Variants in ITPK1 observed in about 807,000 individuals in gnomAD.
ITPK1 encodes inositol 1,3,4-trisphosphate 5/6-kinase.
A neutral mutation model predicts 45.3 loss-of-function variants in ITPK1; 21 were observed. That is an observed-to-expected ratio of 0.46 (90% confidence interval 0.33 to 0.67). ITPK1 has a LOEUF of 0.67. Ranked by LOEUF, ITPK1 falls within the 30% of genes least tolerant of loss-of-function variation. The probability of loss-of-function intolerance (pLI) is 0.02; values close to 1 mark genes in which losing one functional copy is unlikely to be tolerated. For missense variants in ITPK1, 474 were observed against 573.5 expected (o/e 0.83, Z 1.77); for synonymous variants, 258 against 253.6 (o/e 1.02, Z -0.16).
chr14:93,047,212 C>A (rs1020013809), intron 3 of ITPK1, among the ~76,000 whole-genome samples: 1 of 152,136 alleles, frequency 6.6e-6, no homozygotes, highest in Non-Finnish European at 1.5e-5. Flanking sequence ...TCCTCCCCGA[C>A]GTTTAAGCCA....
In ITPK1 at chr14:93,063,161, G is replaced by C. The variant is rs989423853; in HGVS notation, c.120+13434C>G. The stretch of plus-strand genomic sequence containing the variant: ...AAAGGCATCCTTGCCCATCCCGGCT[G>C]CCGATGATCCTGTCAAAACACTGTA... On this transcript the variant is annotated intron_variant, in intron 3 of 10. Coordinates refer to ENST00000267615, the MANE Select transcript of ITPK1 (RefSeq NM_014216.6). The surrounding 1 kb of genome is among the most constrained non-coding windows in gnomAD (Gnocchi z 4.3). Among the ~76,000 whole-genome samples, 2 of 152,152 alleles carry C rather than the reference G, an allele frequency of 1.3e-5. No homozygotes were observed. Among genetic ancestry groups the C allele is most frequent in the African/African-American group, 2.4e-5 (1 of 41,434 alleles).
In ITPK1 at chr14:92,939,810, A is replaced by G. The variant is rs1887267855; in HGVS notation, c.*1751T>C. 1 of 985,730 alleles carries G rather than the reference A, an allele frequency of 1.0e-6. No individual in the cohort carries two copies. Among genetic ancestry groups the G allele is most frequent in the Non-Finnish European group, 1.2e-6 (1 of 829,908 alleles). 61.1% of individuals were successfully genotyped at this position (985,730 alleles called of 1,614,324 possible). ...CTGTTTTATTAAACGTCTTTTAAGGACTGGGAGTATGACATAACAAACTTG... is the reference window on the plus strand; with the variant it reads ...CTGTTTTATTAAACGTCTTTTAAGGGCTGGGAGTATGACATAACAAACTTG... On this transcript the variant is annotated 3_prime_UTR_variant, in exon 11 of 11. Coordinates refer to ENST00000267615, the MANE Select transcript of ITPK1 (RefSeq NM_014216.6).
intron 4 of ITPK1, among the ~76,000 whole-genome samples, chr14:93,000,040 T>C (rs1887257919): frequency 6.6e-6 from 1 of 152,230 alleles, no homozygotes; most frequent in African/African-American, 2.4e-5. Flanking sequence ...GCTCACATCG[T>C]GTTTTAAAAT....
At chr14:92,964,918 G>A (rs111636355) in intron 5 of ITPK1, among the ~76,000 whole-genome samples, 3,405 of 152,266 alleles carry the variant, frequency 0.022, 54 homozygotes, top group Non-Finnish European at 0.035. Context: ...ACTGTTCAAC[G>A]TAGTTACACA....
chr14:92,975,370 C>T (rs939409381), intron 5 of ITPK1, among the ~76,000 whole-genome samples: 16 of 152,182 alleles, frequency 1.1e-4, no homozygotes, highest in East Asian at 1.9e-4. Context: ...TGCCCCAGTA[C>T]GCAGTTCCTT....
chr14:92,950,406 A>G (rs1014122089), intron 9 of ITPK1, among the ~76,000 whole-genome samples: 2 of 152,238 alleles, frequency 1.3e-5, no homozygotes, highest in Non-Finnish European at 2.9e-5. Context: ...CTGATGTCCC[A>G]GTGGAAAAGG....
In ITPK1 at chr14:93,036,753, C is replaced by T; in HGVS notation, c.121-19952G>A. 6.6e-6 allele frequency: 1 copy of T among 152,528 alleles called. No individual in the cohort carries two copies. The allele number at this position is 152,528 out of a possible 1,614,324, so 9.4% of individuals were successfully genotyped here. On this transcript the variant is annotated intron_variant, in intron 3 of 10. Coordinates refer to ENST00000267615, the MANE Select transcript of ITPK1 (RefSeq NM_014216.6). The surrounding 1 kb of genome is among the most constrained non-coding windows in gnomAD (Gnocchi z 4.1). ...CATCTCAATACCGCAGGGGAGGATG[C>T]AGCCCCCAGAACTTGGAAATGCCAA... is the stretch of plus-strand genomic sequence containing the variant.
At chr14:93,058,614 T>G (rs1203105697) in intron 3 of ITPK1, among the ~76,000 whole-genome samples, 1 of 1,688 alleles carries the variant, frequency 5.9e-4, no homozygotes, top group Non-Finnish European at 1.0e-3. Context: ...GTGGAGGGGG[T>G]GCGGGTCACG....
At chr14:93,018,904 G>A (rs890583390) in intron 3 of ITPK1, among the ~76,000 whole-genome samples, 1 of 152,220 alleles carries the variant, frequency 6.6e-6, no homozygotes, top group African/African-American at 2.4e-5. Flanking sequence ...GCAGCCCGCT[G>A]ACCTGGGCTC....
chr14:93,115,540 G>A (rs1566794454), intron 1 of ITPK1, among the ~76,000 whole-genome samples: 1 of 150,004 alleles, frequency 6.7e-6, no homozygotes, highest in Non-Finnish European at 1.5e-5. Flanking sequence ...GCCCGCAGGA[G>A]GGGAAGCCGG....
At chr14:92,971,981 G>T (rs994371484) in intron 5 of ITPK1, among the ~76,000 whole-genome samples, 2 of 152,136 alleles carry the variant, frequency 1.3e-5, no homozygotes, top group Non-Finnish European at 2.9e-5. Flanking sequence ...GCCCAGCACC[G>T]CGACCTCTTC....
Position 93,034,128 on chromosome 14 carries a change from C to T in ITPK1, c.121-17327G>A, listed in dbSNP as rs1047201124. 4.6e-5 allele frequency among the ~76,000 whole-genome samples: 7 copies of T among 152,122 alleles called. No individual in the cohort carries two copies. The highest frequency in any genetic ancestry group is 1.7e-4 in the African/African-American group (7 of 41,422). Reference sequence around the variant, plus strand: ...CCGTCTAATACTTCCCCATGGGTCCCTGGTAAGCCCTGCCCCGACACCTTC... The same window carrying T: ...CCGTCTAATACTTCCCCATGGGTCCTTGGTAAGCCCTGCCCCGACACCTTC... On this transcript the variant is annotated intron_variant, in intron 3 of 10. Coordinates refer to ENST00000267615, the MANE Select transcript of ITPK1 (RefSeq NM_014216.6). This position sits in a 1 kb window ranked among gnomAD's most constrained non-coding sequence, Gnocchi z 4.1.
intron 3 of ITPK1, among the ~76,000 whole-genome samples, chr14:93,048,865 C>T (rs1889893294): frequency 6.6e-6 from 1 of 152,166 alleles, no homozygotes; most frequent in South Asian, 2.1e-4. Context: ...ACAAGAACTG[C>T]TTGAACCCAG....
intron 2 of ITPK1, among the ~76,000 whole-genome samples, chr14:93,087,363 T>A (rs973057110): frequency 6.6e-6 from 1 of 152,180 alleles, no homozygotes; most frequent in East Asian, 1.9e-4. Context: ...CCTTCACATC[T>A]GTAAGCCAAG....
intron 3 of ITPK1, among the ~76,000 whole-genome samples, chr14:93,033,425 T>C (rs1889160394): frequency 6.6e-6 from 1 of 152,112 alleles, no homozygotes; most frequent in African/African-American, 2.4e-5. Context: ...CAACAGCCAA[T>C]GCCCCCCAAC....
At chr14:93,052,046 G>A (rs1369633771) in intron 3 of ITPK1, among the ~76,000 whole-genome samples, 4 of 152,320 alleles carry the variant, frequency 2.6e-5, no homozygotes, top group Admixed American at 6.5e-5. Context: ...TGCCTGGAGG[G>A]GCCACGTGGT....
chr14:92,994,433 C>T (rs1053593214), intron 4 of ITPK1, among the ~76,000 whole-genome samples: 21 of 152,180 alleles, frequency 1.4e-4, no homozygotes, highest in African/African-American at 2.9e-4. Context: ...AAACACGCCA[C>T]AGGGTGGGCA....
intron 3 of ITPK1, among the ~76,000 whole-genome samples, chr14:93,064,653 C>G (rs1406156055): frequency 6.6e-6 from 1 of 152,188 alleles, no homozygotes; most frequent in Non-Finnish European, 1.5e-5. Flanking sequence ...AGGGTATACT[C>G]TAAGGCCATT....
At chr14:93,064,538 C>A (rs1299548948) in intron 3 of ITPK1, among the ~76,000 whole-genome samples, 1 of 152,162 alleles carries the variant, frequency 6.6e-6, no homozygotes, top group East Asian at 1.9e-4. Flanking sequence ...CTGGGAGCCA[C>A]CCCAGGCGGC....
Sources: allele counts gnomAD v4.1 joint callset (sites outside exome capture counted in the v4.1 genomes callset), GRCh38; gene constraint gnomAD v4.1.1; non-coding constraint Gnocchi (gnomAD v3.1); transcripts MANE v1.5; gene names NCBI Gene and HGNC (gene_info 2026-07-23, HGNC 2026-07-21).